The following SPIDR variants were observed in gnomAD, a reference collection of about 807,000 sequenced individuals.
SPIDR encodes scaffold protein involved in DNA repair.
SPIDR carries 93 observed loss-of-function variants against 104.6 expected under a neutral mutation model. The ratio of observed to expected loss-of-function variants is 0.89; its 90% CI spans 0.75 to 1.06. SPIDR has a LOEUF of 1.06. Ranked by LOEUF, SPIDR falls within the 50% of genes least tolerant of loss-of-function variation. SPIDR has a pLI of 0.00. For missense variants in SPIDR, 1,154 were observed against 1,111.2 expected (o/e 1.04, Z -0.55); for synonymous variants, 431 against 416.9 (o/e 1.03, Z -0.41).
chr8:47,498,376 T>A (rs1001776912), intron 8 of SPIDR, among the ~76,000 whole-genome samples: 14 of 152,218 alleles, frequency 9.2e-5, no homozygotes, highest in African/African-American at 2.7e-4. Flanking sequence ...TATGCTCTTT[T>A]ATGATCTAAC....
intron 8 of SPIDR, among the ~76,000 whole-genome samples, chr8:47,472,488 C>T (rs782097043): frequency 2.0e-5 from 3 of 152,184 alleles, no homozygotes; most frequent in Non-Finnish European, 2.9e-5. Context: ...AGAATTGTAA[C>T]ATAATATTTT....
At chr8:47,389,688 C>CAAA (rs11295388) in intron 5 of SPIDR, among the ~76,000 whole-genome samples, 149 of 61,806 alleles carry the variant, frequency 2.4e-3, no homozygotes, top group Middle Eastern at 9.1e-3. Flanking sequence ...GACTCCATCT[C>CAAA]AAAAAAAAAA....
intron 5 of SPIDR, among the ~76,000 whole-genome samples, chr8:47,377,823 C>A (rs1362775061): frequency 6.6e-6 from 1 of 152,188 alleles, no homozygotes; most frequent in South Asian, 2.1e-4. Context: ...ACTCAGCCTG[C>A]TAATTCATTC....
At chr8:47,654,062 GCA>G in intron 10 of SPIDR, 12 of 1,289,682 alleles carry the variant, frequency 9.3e-6, no homozygotes, top group Non-Finnish European at 1.2e-5. Flanking sequence ...GGGCGTGGTA[GCA>G]GCATCTTGAT....
chr8:47,464,229 TAGC>T (rs1190205830), intron 8 of SPIDR, among the ~76,000 whole-genome samples: 1 of 152,032 alleles, frequency 6.6e-6, no homozygotes, highest in African/African-American at 2.4e-5. Flanking sequence ...TTTTTATCAA[TAGC>T]AGTGCATAAT....
intron 6 of SPIDR, among the ~76,000 whole-genome samples, chr8:47,402,997 T>C (rs2062125600): frequency 6.6e-6 from 1 of 152,188 alleles, no homozygotes; most frequent in Non-Finnish European, 1.5e-5. Flanking sequence ...TGAAAAAGCT[T>C]ATCCACCACA....
chr8:47,298,740 G>C (rs1396363046), intron 5 of SPIDR, among the ~76,000 whole-genome samples: 2 of 152,266 alleles, frequency 1.3e-5, no homozygotes, highest in South Asian at 4.1e-4. Context: ...TTTTTGTCAG[G>C]TTTGTCAAAG....
chr8:47,389,149 A>G (rs1236712380), intron 5 of SPIDR, among the ~76,000 whole-genome samples: 1 of 152,160 alleles, frequency 6.6e-6, no homozygotes, highest in African/African-American at 2.4e-5. Flanking sequence ...GCATTTGACC[A>G]TTGCAGATGT....
chr8:47,720,065 T>C (rs2154491668), intron 16 of SPIDR, among the ~76,000 whole-genome samples: 1 of 152,370 alleles, frequency 6.6e-6, no homozygotes, highest in South Asian at 2.1e-4. Context: ...GTACTGTCTC[T>C]GTAGTTTGGC....
chr8:47,447,783 A>AC (rs2070961024), intron 8 of SPIDR, among the ~76,000 whole-genome samples: 1 of 152,190 alleles, frequency 6.6e-6, no homozygotes, highest in Non-Finnish European at 1.5e-5. Context: ...TCCAGCCTTC[A>AC]CACACCACCA....
chr8:47,374,829 G>A (rs528810233), intron 5 of SPIDR, among the ~76,000 whole-genome samples: 23 of 152,250 alleles, frequency 1.5e-4, no homozygotes, highest in African/African-American at 5.3e-4. Context: ...GCCAAGATGG[G>A]CAGATCACTT....
chr8:47,733,468 G>A (rs1025620048), intron 19 of SPIDR, among the ~76,000 whole-genome samples: 1 of 152,086 alleles, frequency 6.6e-6, no homozygotes, highest in Non-Finnish European at 1.5e-5. Context: ...ATGATTTTTT[G>A]CTGGCTTTTT....
At chr8:47,542,716 A>C (rs1397360795) in intron 8 of SPIDR, among the ~76,000 whole-genome samples, 1 of 152,192 alleles carries the variant, frequency 6.6e-6, no homozygotes, top group Admixed American at 6.5e-5. Context: ...GTTTCCACTA[A>C]GGGTAATATC....
intron 5 of SPIDR, among the ~76,000 whole-genome samples, chr8:47,316,129 A>G (rs2045293000): frequency 6.6e-6 from 1 of 152,218 alleles, no homozygotes; most frequent in Non-Finnish European, 1.5e-5. Context: ...CAACTTGATT[A>G]ATTGGAGAAG....
At chr8:47,406,106 T>C (rs73565228) in intron 6 of SPIDR, among the ~76,000 whole-genome samples, 3,412 of 151,992 alleles carry the variant, frequency 0.022, 135 homozygotes, top group African/African-American at 0.079. Context: ...TTTTTTTTTT[T>C]CTGTAAGGTC....
At chr8:47,266,634 T>C (rs1419357950) in intron 1 of SPIDR, among the ~76,000 whole-genome samples, 1 of 152,256 alleles carries the variant, frequency 6.6e-6, no homozygotes, top group Non-Finnish European at 1.5e-5. Flanking sequence ...CCTAAGTATG[T>C]AATTGCCAGA....
At chr8:47,316,987 T>C (rs1313794630) in intron 5 of SPIDR, among the ~76,000 whole-genome samples, 3 of 152,158 alleles carry the variant, frequency 2.0e-5, no homozygotes, top group African/African-American at 7.2e-5. Context: ...CCAAGATGGC[T>C]GAATGGGAAC....
chr8:47,430,497 C>T (rs1224428028), intron 7 of SPIDR, among the ~76,000 whole-genome samples: 7 of 106,152 alleles, frequency 6.6e-5, no homozygotes, highest in Non-Finnish European at 1.1e-4. Context: ...AGTGGGGACG[C>T]GCTGGACTCT....
intron 8 of SPIDR, chr8:47,511,425 G>T (rs371751620): frequency 1.2e-6 from 1 of 806,370 alleles, no homozygotes. Context: ...TAAAGTCCTC[G>T]TCCTGATGTT....
Sources: gnomAD v4.1 joint callset for allele counts (sites outside exome capture counted in the v4.1 genomes callset) on GRCh38, gnomAD v4.1.1 for gene constraint, MANE v1.5 for transcripts, NCBI Gene and HGNC (gene_info 2026-07-23, HGNC 2026-07-21) for gene names.